GRIN2A: variants seen among roughly 807,000 people sequenced by gnomAD.
GRIN2A encodes glutamate ionotropic receptor NMDA type subunit 2A.
In GRIN2A, 22 loss-of-function variants were observed where a neutral mutation model predicts 113.4. That is an observed-to-expected ratio of 0.19 (90% CI 0.14 to 0.28). The LOEUF (loss-of-function observed/expected upper bound fraction) is 0.28. Ranked by LOEUF, GRIN2A falls within the 10% of genes least tolerant of loss-of-function variation. The pLI, the probability that GRIN2A is intolerant of heterozygous loss-of-function variation, is 1.00. For missense variants in GRIN2A, 1,502 were observed against 1,887.0 expected, an observed-to-expected ratio of 0.80 and a Z score of 3.78; for synonymous variants, 827 against 738.4, an observed-to-expected ratio of 1.12 and a Z score of -1.94.
At chr16:9,899,597 A>T (rs897694209) in intron 3 of GRIN2A, among the ~76,000 whole-genome samples, 1 of 152,170 alleles carries the variant, frequency 6.6e-6, no homozygotes, top group East Asian at 1.9e-4. Context: ...TTTCAACACA[A>T]ATTCTATTGT....
intron 4 of GRIN2A, among the ~76,000 whole-genome samples, chr16:9,859,549 A>AC (rs1339882160): frequency 1.3e-5 from 2 of 151,472 alleles, no homozygotes; most frequent in Non-Finnish European, 2.9e-5. Flanking sequence ...ATACGCTCAC[A>AC]CCCACACGTA....
At chr16:10,124,838 C>A (rs139174451) in intron 2 of GRIN2A, among the ~76,000 whole-genome samples, 4 of 152,124 alleles carry the variant, frequency 2.6e-5, no homozygotes, top group African/African-American at 9.7e-5. Context: ...GACATGAGGG[C>A]TCCTATGGAA....
chr16:10,024,381 C>G, intron 2 of GRIN2A, among the ~76,000 whole-genome samples: 1 of 152,170 alleles, frequency 6.6e-6, no homozygotes. Context: ...TGCCACCACA[C>G]CCAGCTAATT....
intron 2 of GRIN2A, among the ~76,000 whole-genome samples, chr16:10,078,756 A>C (rs192026522): frequency 9.3e-4 from 141 of 152,174 alleles, no homozygotes; most frequent in Admixed American, 1.9e-3. Flanking sequence ...GAGAGGTGAG[A>C]AGCTGCTGGG....
chr16:10,000,929 G>C (rs1344337297), intron 2 of GRIN2A, among the ~76,000 whole-genome samples: 3 of 152,140 alleles, frequency 2.0e-5, no homozygotes, highest in Non-Finnish European at 4.4e-5. Flanking sequence ...CCTGGGCCCA[G>C]GAAGTTTGTC....
chr16:9,828,382 A>G (rs1016381624), intron 9 of GRIN2A, among the ~76,000 whole-genome samples: 1 of 152,176 alleles, frequency 6.6e-6, no homozygotes, highest in Admixed American at 6.5e-5. Flanking sequence ...TCTTGACAAG[A>G]TTCTTTCAAC....
intron 2 of GRIN2A, among the ~76,000 whole-genome samples, chr16:9,939,469 A>G (rs1596345783): frequency 6.6e-6 from 1 of 152,174 alleles, no homozygotes; most frequent in East Asian, 1.9e-4. Flanking sequence ...ATGGTAACTT[A>G]TGTCAGGTTA....
At chr16:10,150,959 T>C (rs1596556166) in intron 2 of GRIN2A, among the ~76,000 whole-genome samples, 1 of 152,176 alleles carries the variant, frequency 6.6e-6, no homozygotes, top group South Asian at 2.1e-4. Context: ...CTAATATATC[T>C]GTTGAATATC....
chr16:9,796,260 T>C (rs2141223886), intron 11 of GRIN2A, among the ~76,000 whole-genome samples: 1 of 152,344 alleles, frequency 6.6e-6, no homozygotes, highest in East Asian at 1.9e-4. Flanking sequence ...TTAACATCAA[T>C]CAATCATTCA....
chr16:9,895,062 G>A (rs1453942736), intron 3 of GRIN2A, among the ~76,000 whole-genome samples: 1 of 152,126 alleles, frequency 6.6e-6, no homozygotes, highest in African/African-American at 2.4e-5. Context: ...CCAGAACTAT[G>A]CCATGAAAAT....
chr16:10,127,700 G>T (rs2048971383), intron 2 of GRIN2A, among the ~76,000 whole-genome samples: 1 of 152,168 alleles, frequency 6.6e-6, no homozygotes, highest in Non-Finnish European at 1.5e-5. Context: ...ATAAATATTT[G>T]TGGAATTGAT....
rs183656430 is a variant in GRIN2A at position 9,950,039 on chromosome 16, G to A, written c.415-11488C>T. On this transcript the variant is annotated intron_variant, in intron 2 of 12. Coordinates refer to ENST00000330684, the MANE Select transcript of GRIN2A (RefSeq NM_001134407.3). The stretch of plus-strand genomic sequence containing the variant: ...CAGGAAAGTAATAAACAATTCTGAG[G>A]AGGGTTGGGCTGGCATTCTTCACTG... 8.5e-5 allele frequency among the ~76,000 whole-genome samples: 13 copies of A among 152,264 alleles called. No individual in the cohort carries two copies. In the East Asian group the frequency reaches 2.5e-3, roughly 29 times the overall value.
In GRIN2A at chr16:10,059,026, T is replaced by C. The variant is rs9936623; in HGVS notation, c.415-120475A>G. ...ACACATTATGCAGCAGGATGGGGAA[T>C]CATAATACATGGAAGAGGGATTCAG... On this transcript the variant is annotated intron_variant, in intron 2 of 12. Coordinates refer to ENST00000330684, the MANE Select transcript of GRIN2A (RefSeq NM_001134407.3). 4.1e-3 allele frequency among the ~76,000 whole-genome samples: 625 copies of C among 152,292 alleles called. 5 individuals are homozygous for C. Among genetic ancestry groups the C allele is most frequent in the African/African-American group, 0.014 (573 of 41,548 alleles).
chr16:10,144,069 A>G (rs2049381774), intron 2 of GRIN2A, among the ~76,000 whole-genome samples: 1 of 152,162 alleles, frequency 6.6e-6, no homozygotes, highest in African/African-American at 2.4e-5. Flanking sequence ...TTTCTTTGAG[A>G]TCCTGATTTC....
intron 2 of GRIN2A, among the ~76,000 whole-genome samples, chr16:10,138,700 G>T (rs2049256134): frequency 6.6e-6 from 1 of 152,156 alleles, no homozygotes; most frequent in Non-Finnish European, 1.5e-5. Context: ...CATCTGTCAA[G>T]CAGGGGTAAG....
intron 2 of GRIN2A, among the ~76,000 whole-genome samples, chr16:10,018,307 G>A (rs905719953): frequency 1.3e-5 from 2 of 152,174 alleles, no homozygotes; most frequent in Non-Finnish European, 2.9e-5. Context: ...TCTGATCTCA[G>A]TAAGGTAAGA....
intron 3 of GRIN2A, among the ~76,000 whole-genome samples, chr16:9,898,824 C>A (rs1479846431): frequency 6.8e-6 from 1 of 148,124 alleles, no homozygotes; most frequent in Non-Finnish European, 1.5e-5. Context: ...CTCTTACAAG[C>A]ATTCTCCTGG....
chr16:10,149,144 A>G (rs1309723779), intron 2 of GRIN2A, among the ~76,000 whole-genome samples: 4 of 152,198 alleles, frequency 2.6e-5, no homozygotes, highest in Admixed American at 2.0e-4. Context: ...AACGAATAAG[A>G]TATGGTATTT....
chr16:10,060,454 G>T (rs1000109416), intron 2 of GRIN2A, among the ~76,000 whole-genome samples: 1 of 152,210 alleles, frequency 6.6e-6, no homozygotes, highest in Non-Finnish European at 1.5e-5. Context: ...CCGCTAGCCA[G>T]TGGCTAAGCT....
Sources: allele counts gnomAD v4.1 joint callset (sites outside exome capture counted in the v4.1 genomes callset), GRCh38; gene constraint gnomAD v4.1.1; transcripts MANE v1.5; gene names NCBI Gene and HGNC (gene_info 2026-07-23, HGNC 2026-07-21).